SREK1: variants seen among roughly 807,000 people sequenced by gnomAD.
The protein encoded by SREK1 is splicing regulatory glutamine/lysine-rich protein 1.
SREK1 carries 13 observed loss-of-function variants against 66.5 expected under a neutral mutation model. The observed-to-expected ratio is 0.20, with a 90% CI of 0.13 to 0.31. SREK1 has a LOEUF of 0.31. Ranked by LOEUF, SREK1 falls within the 10% of genes least tolerant of loss-of-function variation. SREK1 has a pLI of 1.00. For synonymous variants in SREK1, 265 were observed against 263.5 expected (o/e 1.01, Z -0.05); for missense variants, 607 against 769.6 (o/e 0.79, Z 2.50).
chr5:66,172,449 G>C (rs1267954209), intron 9 of SREK1, among the ~76,000 whole-genome samples: 4 of 152,298 alleles, frequency 2.6e-5, no homozygotes, highest in Non-Finnish European at 4.4e-5. Flanking sequence ...AGGCTGGAGT[G>C]CAGTGTCATG....
intron 9 of SREK1, among the ~76,000 whole-genome samples, chr5:66,173,941 A>T (rs1745853432): frequency 6.6e-6 from 1 of 152,188 alleles, no homozygotes. Flanking sequence ...GTGTTCTCAG[A>T]GTTCTTGAGC....
Position 66,183,184 on chromosome 5 carries a change from C to CCTT in SREK1, c.*4319_*4321dup. On this transcript the variant is annotated 3_prime_UTR_variant, in exon 12 of 12. Coordinates refer to ENST00000334121, the MANE Select transcript of SREK1 (RefSeq NM_001077199.3). ...CCAGGATTGGTATGGAGGAGTAGTA[C>CCTT]CTTCTATTCTTGGTTTATTTTTATT... is the stretch of plus-strand genomic sequence containing the variant. The CCTT allele has an allele frequency of 6.6e-6, 1 of 152,158 alleles. No individual in the cohort carries two copies. The highest frequency in any genetic ancestry group is 1.9e-4 in the East Asian group (1 of 5,178). The allele number at this position is 152,158 out of a possible 1,614,324, so 9.4% of individuals were successfully genotyped here.
intron 2 of SREK1, chr5:66,156,812 G>GTATT: frequency 7.1e-6 from 7 of 985,324 alleles, no homozygotes; most frequent in Non-Finnish European, 8.4e-6. Context: ...AGAAACTTAA[G>GTATT]TATTTGCATG....
chr5:66,152,444 T>A (rs16894973), intron 1 of SREK1, among the ~76,000 whole-genome samples: 17,710 of 152,224 alleles, frequency 0.12, 1,297 homozygotes, highest in Admixed American at 0.22. Flanking sequence ...TCTTGATTAG[T>A]TGAATGATTA....
At chr5:66,144,832 C>G (rs1034740562) in intron 1 of SREK1, 11 of 1,105,524 alleles carry the variant, frequency 1.0e-5, no homozygotes. Flanking sequence ...TGCCCCCACC[C>G]TCTTATTTCC....
intron 11 of SREK1, among the ~76,000 whole-genome samples, 167 bp from the exon 12 acceptor site, chr5:66,178,550 CAA>C (rs1423327278): frequency 6.6e-6 from 1 of 151,976 alleles, no homozygotes; most frequent in East Asian, 1.9e-4. Flanking sequence ...TATGAGAACA[CAA>C]AGGGGAAATT....
At chr5:66,152,336 C>T (rs1189033789) in intron 1 of SREK1, among the ~76,000 whole-genome samples, 3 of 152,006 alleles carry the variant, frequency 2.0e-5, no homozygotes, top group Admixed American at 6.6e-5. Context: ...TGTTCCTGGA[C>T]GTGAAGAATT....
chr5:66,152,003 G>A (rs557833716), intron 1 of SREK1, among the ~76,000 whole-genome samples: 1 of 151,700 alleles, frequency 6.6e-6, no homozygotes, highest in Non-Finnish European at 1.5e-5. Context: ...CCGCCACCAC[G>A]CCTGGAGAAT....
intron 2 of SREK1, chr5:66,153,909 G>A: frequency 3.5e-6 from 1 of 283,720 alleles, no homozygotes; most frequent in Non-Finnish European, 6.6e-6. Context: ...TATTTTAAAT[G>A]CATAAACAAG....
At chr5:66,155,345 C>T (rs1188234750) in intron 2 of SREK1, among the ~76,000 whole-genome samples, 1 of 152,118 alleles carries the variant, frequency 6.6e-6, no homozygotes, top group Non-Finnish European at 1.5e-5. Flanking sequence ...CACTAACCTA[C>T]AGTTGGTATT....
At chr5:66,155,926 A>T (rs966836077) in intron 2 of SREK1, 5 of 1,298,136 alleles carry the variant, frequency 3.9e-6, no homozygotes, top group Admixed American at 5.3e-5. Context: ...TAACACGTAG[A>T]AAAAGATACG....
At chr5:66,149,940 A>G (rs1366138548) in intron 1 of SREK1, among the ~76,000 whole-genome samples, 1 of 152,206 alleles carries the variant, frequency 6.6e-6, no homozygotes, top group East Asian at 1.9e-4. Flanking sequence ...AATCAAGATG[A>G]CTATCTGCTT....
intron 10 of SREK1, among the ~76,000 whole-genome samples, chr5:66,176,671 G>A (rs1472675787): frequency 1.3e-5 from 2 of 152,158 alleles, no homozygotes; most frequent in Non-Finnish European, 1.5e-5. Context: ...AGTGTTTTCA[G>A]AAATATTTCA....
chr5:66,149,354 A>T (rs1743560173), intron 1 of SREK1, among the ~76,000 whole-genome samples: 1 of 152,036 alleles, frequency 6.6e-6, no homozygotes, highest in South Asian at 2.1e-4. Context: ...TGTCTCAAAA[A>T]AAAAAGGAAA....
At chr5:66,146,109 ATTATC>A (rs1369110638) in intron 1 of SREK1, among the ~76,000 whole-genome samples, 5 of 152,102 alleles carry the variant, frequency 3.3e-5, no homozygotes, top group Non-Finnish European at 7.4e-5. Flanking sequence ...TATTGCTTTA[ATTATC>A]TTAACTTTTG....
At chr5:66,158,858 C>T (rs1199110165) in intron 2 of SREK1, 1 of 1,291,868 alleles carries the variant, frequency 7.7e-7, no homozygotes, top group Non-Finnish European at 1.0e-6. Context: ...CTTTCGATCA[C>T]CGCGAAAACA....
chr5:66,155,290 A>G (rs780212403), intron 2 of SREK1, among the ~76,000 whole-genome samples: 2 of 152,234 alleles, frequency 1.3e-5, no homozygotes, highest in South Asian at 4.1e-4. Flanking sequence ...AAATTTAAGC[A>G]TACTTTTATT....
At chr5:66,160,344 T>A (rs1400273496) in intron 3 of SREK1, among the ~76,000 whole-genome samples, 3 of 152,214 alleles carry the variant, frequency 2.0e-5, no homozygotes, top group Non-Finnish European at 4.4e-5. Context: ...TTATCTAGAT[T>A]GTAAGAGTGG....
Position 66,162,533 on chromosome 5 carries a change from A to T in SREK1, c.696A>T (p.Gln232His). Reference protein sequence around the residue: ...TRFAFVEFADQNSVPRALAFN... With the variant: ...TRFAFVEFADHNSVPRALAFN... ...TTGCTTTTGTGGAATTTGCAGACCA[A>T]AATTCTGTACCAAGGGCCCTTGCTT... Residue 232 changes from glutamine (Q) to histidine (H), a missense_variant, in exon 5 of 12, where the codon CAA becomes CAT. By Grantham distance (24) the Gln-to-His change is conservative (BLOSUM62 0). Transcript: ENST00000334121. 6.2e-7 allele frequency: 1 copy of T among 1,614,138 alleles called. No individual in the cohort carries two copies. The highest frequency in any genetic ancestry group is 2.2e-5 in the East Asian group (1 of 44,882).
Sources: gnomAD v4.1 joint callset for allele counts (sites outside exome capture counted in the v4.1 genomes callset) on GRCh38, gnomAD v4.1.1 for gene constraint, MANE v1.5 for transcripts, NCBI Gene and HGNC (gene_info 2026-07-23, HGNC 2026-07-21) for gene names.